Variants in ERN1 observed in about 807,000 individuals in gnomAD.
ERN1 encodes the protein endoplasmic reticulum to nucleus signaling 1.
Under a neutral mutation model 113.1 loss-of-function variants are expected in ERN1, and 39 were observed. The observed-to-expected ratio is 0.34, with a 90% CI of 0.27 to 0.45. ERN1 has a LOEUF of 0.45. Among genes scored for constraint, ERN1 ranks in the 20% least tolerant of loss-of-function variants. The probability of loss-of-function intolerance (pLI) is 1.00; values close to 1 mark genes in which losing one functional copy is unlikely to be tolerated. For missense variants in ERN1, 976 were observed against 1,274.8 expected, an observed-to-expected ratio of 0.77 and a Z score of 3.57; for synonymous variants, 507 against 515.9, an observed-to-expected ratio of 0.98 and a Z score of 0.23.
intron 5 of ERN1, 101 bp from the exon 6 acceptor site, chr17:64,072,204 G>A: frequency 7.8e-7 from 1 of 1,274,602 alleles, no homozygotes; most frequent in Non-Finnish European, 1.1e-6. Flanking sequence ...AGATAGACCT[G>A]AATTTCTTAG....
chr17:64,051,873 C>G (rs1276170180), intron 17 of ERN1, among the ~76,000 whole-genome samples: 5 of 152,138 alleles, frequency 3.3e-5, no homozygotes, highest in Non-Finnish European at 5.9e-5. Context: ...ACAGTATTAA[C>G]TGTTGAGGTG....
At chr17:64,090,660 A>AG (rs1914062689) in intron 2 of ERN1, among the ~76,000 whole-genome samples, 1 of 152,234 alleles carries the variant, frequency 6.6e-6, no homozygotes, top group Non-Finnish European at 1.5e-5. Flanking sequence ...AATGCTGCAA[A>AG]GACGACCCAT....
intron 17 of ERN1, among the ~76,000 whole-genome samples, chr17:64,050,889 G>A (rs1301356739): frequency 6.6e-6 from 1 of 152,180 alleles, no homozygotes; most frequent in African/African-American, 2.4e-5. Context: ...AGCTGGATAA[G>A]AGGCAGCCAT....
intron 11 of ERN1, among the ~76,000 whole-genome samples, chr17:64,058,579 A>G (rs1337040587): frequency 6.6e-6 from 1 of 152,236 alleles, no homozygotes; most frequent in African/African-American, 2.4e-5. Context: ...AAAATTTAGA[A>G]GCCCAAAATT....
At chr17:64,071,861 T>A (rs1913430749) in intron 6 of ERN1, 120 bp downstream of exon 6, 1 of 1,040,338 alleles carries the variant, frequency 9.6e-7, no homozygotes, top group Admixed American at 2.4e-5. Flanking sequence ...GAAAATGACA[T>A]GATGGGACCT....
chr17:64,074,024 T>C (rs1430294681), intron 5 of ERN1, among the ~76,000 whole-genome samples: 3 of 152,206 alleles, frequency 2.0e-5, no homozygotes, highest in Non-Finnish European at 4.4e-5. Context: ...AACTTACCCA[T>C]GGATCGCAAC....
At chr17:64,129,889 G>T (rs929011861) in intron 1 of ERN1, 87 bp downstream of exon 1, 4 of 1,222,624 alleles carry the variant, frequency 3.3e-6, no homozygotes, top group Non-Finnish European at 4.2e-6. Flanking sequence ...TCCCAGCTCG[G>T]ACTCCAGCCC....
intron 19 of ERN1, among the ~76,000 whole-genome samples, chr17:64,046,086 T>C (rs1912505034): frequency 1.3e-5 from 2 of 152,204 alleles, no homozygotes; most frequent in African/African-American, 2.4e-5. Context: ...GTATGGCCTC[T>C]TGAAGTCCCA....
chr17:64,066,576 T>C, intron 8 of ERN1, 95 bp downstream of exon 8: 1 of 1,459,050 alleles, frequency 6.9e-7, no homozygotes. Context: ...GAGACTGCCC[T>C]GTCTTTGGCC....
intron 1 of ERN1, among the ~76,000 whole-genome samples, chr17:64,116,556 CTTAGAA>C (rs1378030851): frequency 7.9e-5 from 12 of 152,112 alleles, no homozygotes; most frequent in African/African-American, 2.9e-4. Flanking sequence ...CAAATTTGTT[CTTAGAA>C]CTTTCTTACC....
Position 64,041,850 on chromosome 17 carries a change from T to C in ERN1, c.*2138A>G, listed in dbSNP as rs1423337545. On this transcript the variant is annotated 3_prime_UTR_variant, in exon 22 of 22. Coordinates refer to ENST00000433197, the MANE Select transcript of ERN1 (RefSeq NM_001433.5). ...CACTAAGTGCTCAAATAAAATACAT[T>C]GAATAAATGATTTTGAGAAATCTGC... is the stretch of plus-strand genomic sequence containing the variant. The C allele has an allele frequency of 1.3e-5, 2 of 152,142 alleles. No individual in the cohort carries two copies. Among genetic ancestry groups the C allele is most frequent in the African/African-American group, 4.8e-5 (2 of 41,406 alleles). The allele number at this position is 152,142 out of a possible 1,614,324, so 9.4% of individuals were successfully genotyped here.
intron 19 of ERN1, 134 bp from the exon 20 acceptor site, chr17:64,045,616 T>C: frequency 9.7e-7 from 1 of 1,030,016 alleles, no homozygotes; most frequent in Non-Finnish European, 1.5e-6. Context: ...CCCTGCCCCC[T>C]CCCTCCCTCA....
rs1915198218 is a variant in ERN1 at position 64,130,035 on chromosome 17, G to A, written c.-6C>T. 2 of 1,417,936 alleles carry A rather than the reference G, an allele frequency of 1.4e-6. No individual in the cohort carries two copies. The highest frequency in any genetic ancestry group is 1.5e-5 in the South Asian group (1 of 67,468). 87.8% of individuals were successfully genotyped at this position (1,417,936 alleles called of 1,614,324 possible). ...AGCAGCCGCCGGGCCGGCATGGCGA[G>A]GACTCGGCCCTGGCTCCGGGGGCGG... On this transcript the variant is annotated 5_prime_UTR_variant, in exon 1 of 22. Transcript: ENST00000433197. This position sits in a 1 kb window ranked among gnomAD's most constrained non-coding sequence, Gnocchi z 4.0.
chr17:64,071,848 A>G, intron 6 of ERN1, 133 bp downstream of exon 6: 1 of 933,602 alleles, frequency 1.1e-6, no homozygotes, highest in Non-Finnish European at 1.6e-6. Context: ...GGGTCTTATA[A>G]AGGAAAATGA....
chr17:64,116,499 C>T (rs1384157646), intron 1 of ERN1, among the ~76,000 whole-genome samples: 1 of 152,136 alleles, frequency 6.6e-6, no homozygotes, highest in African/African-American at 2.4e-5. Context: ...AATAAGGTCA[C>T]TGGATTGCTC....
At chr17:64,117,849 A>G (rs767595333) in intron 1 of ERN1, among the ~76,000 whole-genome samples, 21 of 152,318 alleles carry the variant, frequency 1.4e-4, no homozygotes, top group Non-Finnish European at 2.4e-4. Context: ...ATCACATTCT[A>G]TATAATGTAT....
At chr17:64,078,555 G>A (rs139671291) in intron 4 of ERN1, among the ~76,000 whole-genome samples, 259 of 152,180 alleles carry the variant, frequency 1.7e-3, no homozygotes, top group African/African-American at 5.8e-3. Flanking sequence ...CATGAAGATG[G>A]TTCCATTACT....
In ERN1 at chr17:64,054,383, C is replaced by G. The variant is rs1912785922; in HGVS notation, c.1820G>C (p.Ser607Thr). The change falls in exon 15 of 22, where the codon AGC becomes ACC. Residue 607 changes from serine to threonine, a missense_variant. Transcript: ENST00000433197. The surrounding 1 kb of genome is among the most constrained non-coding windows in gnomAD (Gnocchi z 4.9). ...AVKRILPECF[S>T]FADREVQLLR... ...CAGCTGGACCTCACGGTCTGCGAAGCTAAAACACTCGGGGAGGATCCTCTT... is the reference window on the plus strand; with the variant it reads ...CAGCTGGACCTCACGGTCTGCGAAGGTAAAACACTCGGGGAGGATCCTCTT... The G allele has an allele frequency of 2.5e-6, 4 of 1,601,544 alleles. No homozygotes were observed. Among genetic ancestry groups the G allele is most frequent in the Non-Finnish European group, 3.4e-6 (4 of 1,174,148 alleles).
At chr17:64,107,362 C>T (rs1200518264) in intron 1 of ERN1, among the ~76,000 whole-genome samples, 4 of 152,098 alleles carry the variant, frequency 2.6e-5, no homozygotes, top group African/African-American at 9.7e-5. Flanking sequence ...GCTCTGTCAC[C>T]CAGGCTGGAG....
Sources: allele counts gnomAD v4.1 joint callset (sites outside exome capture counted in the v4.1 genomes callset), GRCh38; gene constraint gnomAD v4.1.1; non-coding constraint Gnocchi (gnomAD v3.1); transcripts MANE v1.5; gene names NCBI Gene and HGNC (gene_info 2026-07-23, HGNC 2026-07-21).